Variants in TBC1D1 observed in about 807,000 individuals in gnomAD.
TBC1D1 encodes the protein TBC1 domain family member 1.
TBC1D1 carries 89 observed loss-of-function variants against 125.6 expected under a neutral mutation model. That is an observed-to-expected ratio of 0.71 (90% CI 0.60 to 0.85). The LOEUF (loss-of-function observed/expected upper bound fraction) is 0.85, where lower values mean the gene tolerates loss of function less well. TBC1D1 is among the 40% of genes least tolerant of loss of function. The pLI, the probability that TBC1D1 is intolerant of heterozygous loss-of-function variation, is 0.00. For synonymous variants in TBC1D1, 565 were observed against 564.1 expected (o/e 1.00, Z -0.02); for missense variants, 1,377 against 1,469.2 (o/e 0.94, Z 1.03).
At chr4:38,136,314 G>A (rs979887844) in intron 19 of TBC1D1, among the ~76,000 whole-genome samples, 1 of 152,192 alleles carries the variant, frequency 6.6e-6, no homozygotes, top group African/African-American at 2.4e-5. Flanking sequence ...TTCCTCCTCT[G>A]TAGGGTGGAA....
chr4:37,995,377 A>G lies in TBC1D1; in HGVS notation c.418-19132A>G. 5.6e-6 allele frequency: 1 copy of G among 179,182 alleles called. No homozygotes were observed. Among genetic ancestry groups the G allele is most frequent in the Non-Finnish European group, 1.2e-5 (1 of 85,004 alleles). The allele number at this position is 179,182 out of a possible 1,614,324, so 11.1% of individuals were successfully genotyped here. A position where few individuals can be genotyped will look rare whatever the true frequency, so the allele number is the denominator to read the frequency against. On this transcript the variant is annotated intron_variant, in intron 2 of 19. Coordinates refer to ENST00000261439, the MANE Select transcript of TBC1D1 (RefSeq NM_015173.4). This position sits in a 1 kb window ranked among gnomAD's most constrained non-coding sequence, Gnocchi z 4.3. ...TTCCTTCATCTGTAAAAGCAGGAAG[A>G]AAATATTTGCCACTCAGTTCTGTTT...
At chr4:38,020,758 AT>A in intron 5 of TBC1D1, 63 bp downstream of exon 5, 1 of 1,432,118 alleles carries the variant, frequency 7.0e-7, no homozygotes, top group Non-Finnish European at 9.8e-7. Flanking sequence ...AGCTCCACTG[AT>A]TTTTCTGTCC....
At chr4:38,042,068 C>T (rs907793778) in intron 8 of TBC1D1, among the ~76,000 whole-genome samples, 23 of 151,788 alleles carry the variant, frequency 1.5e-4, no homozygotes, top group African/African-American at 2.2e-4. Context: ...CCCAGCTACT[C>T]GGGAGGCTGA....
chr4:38,045,981 C>A, intron 10 of TBC1D1, 78 bp downstream of exon 10: 1 of 1,279,356 alleles, frequency 7.8e-7, no homozygotes, highest in Non-Finnish European at 1.1e-6. Context: ...TACATACCTC[C>A]AATCATAAAA....
chr4:38,118,870 T>C (rs562085884), intron 17 of TBC1D1, among the ~76,000 whole-genome samples: 54 of 152,350 alleles, frequency 3.5e-4, no homozygotes, highest in African/African-American at 1.3e-3. Context: ...TTGAGAACAT[T>C]GTCAAAGTTA....
In TBC1D1 at chr4:38,035,597, C is replaced by T; in HGVS notation, c.1312C>T (p.Pro438Ser). ...GATTTTTGTTTTAAAGAAATTGAGA[C>T]CGAGAAATGAGCAGCGAGAGAATGA... Residue 438 changes from proline (P) to serine (S), a missense_variant, in exon 8 of 20, where the codon CCG (proline) becomes TCG (serine). Pro to Ser is a moderately conservative substitution (Grantham distance 74). Coordinates refer to ENST00000261439, the MANE Select transcript of TBC1D1 (RefSeq NM_015173.4). 1 of 1,612,480 alleles carries T rather than the reference C, an allele frequency of 6.2e-7. No individual in the cohort carries two copies. Among genetic ancestry groups the T allele is most frequent in the Non-Finnish European group, 8.5e-7 (1 of 1,179,362 alleles).
chr4:37,897,429 T>G (rs1481484101), intron 1 of TBC1D1, among the ~76,000 whole-genome samples: 1 of 152,218 alleles, frequency 6.6e-6, no homozygotes, highest in Non-Finnish European at 1.5e-5. Context: ...GATGTAGAAC[T>G]TATTATTTGA....
intron 18 of TBC1D1, among the ~76,000 whole-genome samples, chr4:38,127,740 A>C (rs1220420518): frequency 6.6e-6 from 1 of 152,180 alleles, no homozygotes; most frequent in Non-Finnish European, 1.5e-5. Flanking sequence ...TTTATAGATG[A>C]AGCTGAGCAG....
intron 14 of TBC1D1, among the ~76,000 whole-genome samples, chr4:38,098,457 T>C (rs1759742918): frequency 6.6e-6 from 1 of 152,148 alleles, no homozygotes; most frequent in Non-Finnish European, 1.5e-5. Flanking sequence ...GCATATTTTG[T>C]GGGGGCTAAT....
At chr4:38,001,041 A>G (rs1391657756) in intron 2 of TBC1D1, among the ~76,000 whole-genome samples, 2 of 152,122 alleles carry the variant, frequency 1.3e-5, no homozygotes, top group Non-Finnish European at 2.9e-5. Flanking sequence ...TAACACGGTG[A>G]AACTCCGTCT....
chr4:38,060,184 A>G (rs1489917977), intron 12 of TBC1D1, among the ~76,000 whole-genome samples: 1 of 152,224 alleles, frequency 6.6e-6, no homozygotes, highest in East Asian at 1.9e-4. Flanking sequence ...TGCAGTGAAC[A>G]TATGCATGCA....
At chr4:38,021,896 G>A (rs1037735449) in intron 6 of TBC1D1, among the ~76,000 whole-genome samples, 178 bp downstream of exon 6, 3 of 152,184 alleles carry the variant, frequency 2.0e-5, no homozygotes, top group Non-Finnish European at 2.9e-5. Flanking sequence ...AATTGTGCCG[G>A]ATGCTGGTGA....
rs1302749346 is a variant in TBC1D1 at position 38,115,721 on chromosome 4, C to T, written c.2569C>T (p.Pro857Ser). 1.2e-6 allele frequency: 2 copies of T among 1,613,652 alleles called. No homozygotes were observed. The highest frequency in any genetic ancestry group is 2.7e-5 in the African/African-American group (2 of 74,870). The change falls in exon 16 of 20, where the codon CCT (proline) becomes TCT (serine). Residue 857 changes from proline to serine, a missense_variant. Transcript: ENST00000261439. Reference sequence around the variant, plus strand: ...TATTCTTTTCACAGGGCGAACCTTTCCTACACACCCATACTTCTCTGCCCA... The same window carrying T: ...TATTCTTTTCACAGGGCGAACCTTTTCTACACACCCATACTTCTCTGCCCA...
chr4:37,945,703 T>G (rs2152311681), intron 2 of TBC1D1, among the ~76,000 whole-genome samples: 1 of 152,250 alleles, frequency 6.6e-6, no homozygotes, highest in East Asian at 1.9e-4. Context: ...CAGATATGCT[T>G]ATAACATCCA....
intron 7 of TBC1D1, among the ~76,000 whole-genome samples, chr4:38,034,997 C>T (rs1452834225): frequency 6.6e-6 from 1 of 152,210 alleles, no homozygotes; most frequent in African/African-American, 2.4e-5. Flanking sequence ...CCGGAACCTA[C>T]ATGTCCTGAC....
chr4:38,011,371 AAAAG>A lies in TBC1D1; in HGVS notation c.418-3134_418-3131del, dbSNP rs796350136. ...TCCATCTCAAAAAAAAAAAAAAAGA[AAAAG>A]AAAAAAAGAAAAAACAGTGCCCCAG... On this transcript the variant is annotated intron_variant, in intron 2 of 19. Transcript: ENST00000261439. Among the ~76,000 whole-genome samples the A allele has an allele frequency of 1.0e-3, 155 of 151,920 alleles. 1 individual carries two copies. Among genetic ancestry groups the A allele is most frequent in the African/African-American group, 3.4e-3 (140 of 41,432 alleles).
intron 17 of TBC1D1, among the ~76,000 whole-genome samples, chr4:38,121,736 A>G (rs912275109): frequency 2.0e-5 from 3 of 152,130 alleles, no homozygotes; most frequent in Non-Finnish European, 2.9e-5. Flanking sequence ...AAAATTCCAG[A>G]ATGTAAATGT....
At position 38,118,147 on chromosome 4, in the gene TBC1D1, A is replaced by G. The variant is rs201262200; in HGVS notation, c.2917A>G (p.Met973Val). The G allele has an allele frequency of 8.5e-5, 137 of 1,614,036 alleles. No homozygotes were observed. The highest frequency in any genetic ancestry group is 8.6e-5 in the Non-Finnish European group (101 of 1,180,028). The stretch of plus-strand genomic sequence containing the variant: ...CTACGCTGCCCCCTGGTTCCTCACC[A>G]TGTTTGCCTCACAGTTCCCGCTGGG... Residue 973 changes from methionine to valine, a missense_variant, in exon 17 of 20, where the codon ATG becomes GTG. Around this residue, in one of 3 missense-constraint regions of TBC1D1, gnomAD observed 543 missense variants for 613.5 expected, o/e 0.89. Transcript: ENST00000261439.
intron 12 of TBC1D1, among the ~76,000 whole-genome samples, chr4:38,088,513 G>A (rs1418210135): frequency 1.3e-5 from 2 of 152,226 alleles, no homozygotes; most frequent in African/African-American, 2.4e-5. Context: ...GCTGTGCTCA[G>A]TGTGGTGACC....
Sources: gnomAD v4.1 joint callset for allele counts (sites outside exome capture counted in the v4.1 genomes callset) on GRCh38, gnomAD v4.1.1 for gene constraint, gnomAD v4.1.1 regional missense constraint, Gnocchi (gnomAD v3.1) non-coding constraint, MANE v1.5 for transcripts, NCBI Gene and HGNC (gene_info 2026-07-23, HGNC 2026-07-21) for gene names.